Variants in KCNC1 observed in about 807,000 individuals in gnomAD.
KCNC1 encodes potassium voltage-gated channel subfamily C member 1, also known as voltage-gated potassium channel KCNC1.
In KCNC1, 8 loss-of-function variants were observed where a neutral mutation model predicts 43.4. That is an observed-to-expected ratio of 0.18 (90% CI 0.11 to 0.33). The LOEUF (loss-of-function observed/expected upper bound fraction) is 0.33, where lower values mean the gene tolerates loss of function less well. KCNC1 is among the 10% of genes least tolerant of loss of function. The pLI, the probability that KCNC1 is intolerant of heterozygous loss-of-function variation, is 1.00. For synonymous variants in KCNC1, 361 were observed against 360.5 expected, an observed-to-expected ratio of 1.00 and a Z score of -0.01; for missense variants, 420 against 836.0, an observed-to-expected ratio of 0.50 and a Z score of 6.14.
At chr11:17,765,235 G>A (rs1054270261) in intron 1 of KCNC1, among the ~76,000 whole-genome samples, 8 of 152,192 alleles carry the variant, frequency 5.3e-5, no homozygotes, top group Admixed American at 2.6e-4. Flanking sequence ...TACAGTCATC[G>A]CCTTGTTCCT....
chr11:17,738,142 T>C (rs1305703736), intron 1 of KCNC1, among the ~76,000 whole-genome samples: 1 of 152,098 alleles, frequency 6.6e-6, no homozygotes, highest in Non-Finnish European at 1.5e-5. Flanking sequence ...CCCAGGGAGC[T>C]AGAGGCCAAG....
Position 17,777,888 on chromosome 11 carries a change from C to T in KCNC1, c.1505-1568C>T, listed in dbSNP as rs1174048049. On this transcript the variant is annotated intron_variant, in intron 2 of 3. Transcript: ENST00000265969. This position sits in a 1 kb window ranked among gnomAD's most constrained non-coding sequence, Gnocchi z 4.3. ...CACGGGCGGTAATCCCACCCACGTG[C>T]ACGCCCAGCGTGTGCACGTGGGGAA... is the stretch of plus-strand genomic sequence containing the variant. 3 of 982,778 alleles carry T rather than the reference C, an allele frequency of 3.1e-6. No homozygotes were observed. Among genetic ancestry groups the T allele is most frequent in the South Asian group, 4.7e-5 (1 of 21,250 alleles). The allele number at this position is 982,778 out of a possible 1,614,324, so 60.9% of individuals were successfully genotyped here. A position where few individuals can be genotyped will look rare whatever the true frequency, so the allele number is the denominator to read the frequency against.
At chr11:17,761,507 T>C (rs1849077678) in intron 1 of KCNC1, among the ~76,000 whole-genome samples, 1 of 152,188 alleles carries the variant, frequency 6.6e-6, no homozygotes, top group Admixed American at 6.5e-5. Flanking sequence ...CACCCCTCAA[T>C]GTTGTCTTAC....
intron 1 of KCNC1, among the ~76,000 whole-genome samples, chr11:17,748,413 A>C (rs1353624144): frequency 6.7e-6 from 1 of 150,038 alleles, no homozygotes; most frequent in African/African-American, 2.4e-5. Flanking sequence ...ACACAGACAG[A>C]AAGATGGAGG....
chr11:17,775,870 C>T, intron 2 of KCNC1: 1 of 985,528 alleles, frequency 1.0e-6, no homozygotes. Flanking sequence ...TGGGAGCTAA[C>T]CTTGCAGCCT....
intron 1 of KCNC1, among the ~76,000 whole-genome samples, chr11:17,743,367 G>A (rs367879511): frequency 6.6e-6 from 1 of 151,978 alleles, no homozygotes; most frequent in East Asian, 1.9e-4. Flanking sequence ...TTGAATTTCC[G>A]TCTGGGTCTC....
At position 17,781,735 on chromosome 11, in the gene KCNC1, C is replaced by T; in HGVS notation, c.*1C>T. 6.4e-7 allele frequency: 1 copy of T among 1,550,514 alleles called. No homozygotes were observed. The highest frequency in any genetic ancestry group is 8.7e-7 in the Non-Finnish European group (1 of 1,145,898). On this transcript the variant is annotated 3_prime_UTR_variant, in exon 4 of 4. Transcript: ENST00000265969. The surrounding 1 kb of genome is among the most constrained non-coding windows in gnomAD (Gnocchi z 5.1). ...GACAGAGGCTGTGAGAGTGACTTGA[C>T]CAGGCGGCTTGGCCGAGGACACTGG...
chr11:17,759,032 G>A (rs1989452), intron 1 of KCNC1, among the ~76,000 whole-genome samples: 47,963 of 152,134 alleles, frequency 0.32, 8,153 homozygotes, highest in African/African-American at 0.44. Flanking sequence ...ATAGAAGGCC[G>A]TTTAATCTGC....
intron 1 of KCNC1, among the ~76,000 whole-genome samples, chr11:17,770,922 T>G (rs1362770520): frequency 3.3e-5 from 5 of 152,118 alleles, no homozygotes; most frequent in African/African-American, 1.2e-4. Flanking sequence ...CCTCAAACAG[T>G]CTCTCTCACA....
At chr11:17,740,202 C>A (rs1210973126) in intron 1 of KCNC1, among the ~76,000 whole-genome samples, 1 of 152,156 alleles carries the variant, frequency 6.6e-6, no homozygotes, top group Non-Finnish European at 1.5e-5. Flanking sequence ...GCTCCCCTGG[C>A]CCCCTTTCCT....
rs1849258725 is a variant in KCNC1 at position 17,773,960 on chromosome 11, C to T, written c.1504+1362C>T. On this transcript the variant is annotated intron_variant, in intron 2 of 3. Coordinates refer to ENST00000265969, the MANE Select transcript of KCNC1 (RefSeq NM_001112741.2). This position sits in a 1 kb window ranked among gnomAD's most constrained non-coding sequence, Gnocchi z 4.1. ...GTTTCCCCCTGGTTTGGGTGGCCTC[C>T]CCCAGTGGATGATTGATTTTCTTCC... The T allele has an allele frequency of 1.0e-6, 1 of 985,480 alleles. No individual in the cohort carries two copies. The highest frequency in any genetic ancestry group is 1.2e-6 in the Non-Finnish European group (1 of 829,978). 61.0% of individuals were successfully genotyped at this position (985,480 alleles called of 1,614,324 possible). A position where few individuals can be genotyped will look rare whatever the true frequency, so the allele number is the denominator to read the frequency against.
chr11:17,774,287 C>T (rs1849262038), intron 2 of KCNC1: 1 of 985,370 alleles, frequency 1.0e-6, no homozygotes, highest in African/African-American at 1.7e-5. Flanking sequence ...GTGGGCTGGC[C>T]CAGGCCCCAG....
Position 17,736,437 on chromosome 11 carries a change from C to T in KCNC1, c.435C>T (p.Gly145=), listed in dbSNP as rs767598381. ...DADGPGDSGD[G]EDELEMTKRL... ...ACGGCCCTGGCGACTCGGGCGACGGCGAGGACGAGCTGGAGATGACCAAGC... is the reference window on the plus strand; with the variant it reads ...ACGGCCCTGGCGACTCGGGCGACGGTGAGGACGAGCTGGAGATGACCAAGC... The change falls in exon 1 of 4, where the codon GGC becomes GGT. Residue 145 remains glycine (G), a synonymous_variant. Coordinates refer to ENST00000265969, the MANE Select transcript of KCNC1 (RefSeq NM_001112741.2). This position sits in a 1 kb window ranked among gnomAD's most constrained non-coding sequence, Gnocchi z 9.3. 2.5e-6 allele frequency: 4 copies of T among 1,605,688 alleles called. No individual in the cohort carries two copies. The African/African-American group carries it at 5.3e-5, about 21-fold the overall frequency.
chr11:17,763,447 G>A (rs1849100294), intron 1 of KCNC1, among the ~76,000 whole-genome samples: 1 of 151,838 alleles, frequency 6.6e-6, no homozygotes, highest in Non-Finnish European at 1.5e-5. Context: ...GGTTCCCTGG[G>A]AGATGGCCCG....
intron 1 of KCNC1, among the ~76,000 whole-genome samples, chr11:17,769,252 T>C (rs1360725059): frequency 6.6e-6 from 1 of 152,122 alleles, no homozygotes; most frequent in African/African-American, 2.4e-5. Context: ...TGAGGCCTTA[T>C]TCAACTCTGT....
intron 1 of KCNC1, among the ~76,000 whole-genome samples, chr11:17,746,542 C>T (rs934258137): frequency 6.6e-6 from 1 of 152,124 alleles, no homozygotes; most frequent in Non-Finnish European, 1.5e-5. Flanking sequence ...CACCTCCTTC[C>T]CTTCCCTGTC....
intron 1 of KCNC1, among the ~76,000 whole-genome samples, chr11:17,763,396 C>T (rs1055188040): frequency 6.6e-6 from 1 of 151,938 alleles, no homozygotes; most frequent in East Asian, 1.9e-4. Flanking sequence ...GGTTGAGTCT[C>T]GGCTCAGAGA....
intron 1 of KCNC1, among the ~76,000 whole-genome samples, chr11:17,745,688 A>G (rs564888513): frequency 1.2e-3 from 182 of 151,620 alleles, no homozygotes; most frequent in Middle Eastern, 3.4e-3. Context: ...CCCAGCCTCC[A>G]TGGCTTTCCT....
In KCNC1 at chr11:17,776,622, C is replaced by G; in HGVS notation, c.1505-2834C>G. 1 of 985,480 alleles carries G rather than the reference C, an allele frequency of 1.0e-6. No homozygotes were observed. The highest frequency in any genetic ancestry group is 1.2e-6 in the Non-Finnish European group (1 of 829,966). The allele number at this position is 985,480 out of a possible 1,614,324, so 61.0% of individuals were successfully genotyped here. A position where few individuals can be genotyped will look rare whatever the true frequency, so the allele number is the denominator to read the frequency against. On this transcript the variant is annotated intron_variant, in intron 2 of 3. Coordinates refer to ENST00000265969, the MANE Select transcript of KCNC1 (RefSeq NM_001112741.2). The surrounding 1 kb of genome is among the most constrained non-coding windows in gnomAD (Gnocchi z 4.4). ...TGCCCATGCTGCCATTTCATCACTG[C>G]AGGCCTGTGGGTCTAGTGGGGGCCT...
Sources: allele counts gnomAD v4.1 joint callset (sites outside exome capture counted in the v4.1 genomes callset), GRCh38; gene constraint gnomAD v4.1.1; non-coding constraint Gnocchi (gnomAD v3.1); transcripts MANE v1.5; gene names NCBI Gene and HGNC (gene_info 2026-07-23, HGNC 2026-07-21).